The following LRRC4C variants were observed in gnomAD, a reference collection of about 807,000 sequenced individuals.
The protein encoded by LRRC4C is leucine-rich repeat-containing protein 4C.
A neutral mutation model predicts 33.6 loss-of-function variants in LRRC4C; 5 were observed. The ratio of observed to expected loss-of-function variants is 0.15; its 90% CI spans 0.08 to 0.31. The LOEUF is 0.31. Among genes scored for constraint, LRRC4C ranks in the 10% least tolerant of loss-of-function variants. The pLI, the probability that LRRC4C is intolerant of heterozygous loss-of-function variation, is 1.00. For missense variants in LRRC4C, 560 were observed against 796.7 expected (o/e 0.70, Z 3.58); for synonymous variants, 329 against 302.0 (o/e 1.09, Z -0.93).
At chr11:41,013,638 A>C (rs904702797) in intron 1 of LRRC4C, among the ~76,000 whole-genome samples, 1 of 152,226 alleles carries the variant, frequency 6.6e-6, no homozygotes. Context: ...TATTTCTTAT[A>C]GTTTTAGAGG....
intron 1 of LRRC4C, among the ~76,000 whole-genome samples, chr11:41,001,537 A>T (rs936047135): frequency 2.0e-5 from 3 of 152,108 alleles, no homozygotes; most frequent in Non-Finnish European, 4.4e-5. Context: ...AAAGTCTCTG[A>T]ACATGGCATA....
At chr11:41,413,073 A>G (rs1192220903) in intron 1 of LRRC4C, among the ~76,000 whole-genome samples, 1 of 144,544 alleles carries the variant, frequency 6.9e-6, no homozygotes, top group African/African-American at 2.6e-5. Context: ...TTTTACTTCC[A>G]TTGCTGTTGA....
chr11:40,505,937 T>C (rs1955014349), intron 3 of LRRC4C, among the ~76,000 whole-genome samples: 1 of 152,036 alleles, frequency 6.6e-6, no homozygotes, highest in Non-Finnish European at 1.5e-5. Flanking sequence ...CACATGGAAA[T>C]GTAGCCTTAG....
intron 2 of LRRC4C, among the ~76,000 whole-genome samples, chr11:40,717,566 TG>T (rs1311586734): frequency 6.6e-6 from 1 of 152,132 alleles, no homozygotes; most frequent in South Asian, 2.1e-4. Context: ...GTTCTTTTTT[TG>T]GGGGGGTACA....
At chr11:40,934,912 G>C (rs1957802408) in intron 1 of LRRC4C, among the ~76,000 whole-genome samples, 1 of 152,018 alleles carries the variant, frequency 6.6e-6, no homozygotes, top group Admixed American at 6.6e-5. Flanking sequence ...TTCTCTTCCT[G>C]CTATTTCTCC....
chr11:41,172,919 C>T (rs1945038415), intron 1 of LRRC4C, among the ~76,000 whole-genome samples: 1 of 152,020 alleles, frequency 6.6e-6, no homozygotes, highest in Non-Finnish European at 1.5e-5. Flanking sequence ...ATTCCAACTT[C>T]TCTGCTTTCT....
chr11:40,526,630 T>A (rs1956062613), intron 3 of LRRC4C, among the ~76,000 whole-genome samples: 1 of 152,082 alleles, frequency 6.6e-6, no homozygotes, highest in African/African-American at 2.4e-5. Context: ...GCATAAGTAA[T>A]TTGGAAAGTA....
At chr11:41,362,034 T>C (rs148257195) in intron 1 of LRRC4C, among the ~76,000 whole-genome samples, 444 of 152,336 alleles carry the variant, frequency 2.9e-3, no homozygotes, top group Non-Finnish European at 4.7e-3. Flanking sequence ...TCTAACAGCA[T>C]TAGTTTTCAA....
chr11:41,113,880 G>A (rs984406605), intron 1 of LRRC4C, among the ~76,000 whole-genome samples: 1 of 151,838 alleles, frequency 6.6e-6, no homozygotes, highest in Non-Finnish European at 1.5e-5. Context: ...AGAATAGAAG[G>A]TACATGCAAT....
At chr11:41,439,841 G>T (rs747383233) in intron 1 of LRRC4C, among the ~76,000 whole-genome samples, 1 of 152,046 alleles carries the variant, frequency 6.6e-6, no homozygotes, top group African/African-American at 2.4e-5. Context: ...GTTTTGTTTT[G>T]ATGAGGTTTT....
intron 1 of LRRC4C, among the ~76,000 whole-genome samples, chr11:41,036,057 T>G (rs181511374): frequency 3.8e-5 from 5 of 132,314 alleles, no homozygotes; most frequent in African/African-American, 1.1e-4. Flanking sequence ...CTTTAAAAAT[T>G]TTGTCTTTTG....
At chr11:41,434,333 T>A (rs1161867972) in intron 1 of LRRC4C, among the ~76,000 whole-genome samples, 1 of 152,182 alleles carries the variant, frequency 6.6e-6, no homozygotes, top group African/African-American at 2.4e-5. Context: ...ACTTTTCAGA[T>A]AATTTTTTTT....
intron 1 of LRRC4C, among the ~76,000 whole-genome samples, chr11:41,428,381 T>A (rs962470625): frequency 6.6e-6 from 1 of 152,164 alleles, no homozygotes; most frequent in African/African-American, 2.4e-5. Flanking sequence ...GTAGATAATG[T>A]ACTATTTACT....
At chr11:41,160,258 A>G (rs1944410002) in intron 1 of LRRC4C, among the ~76,000 whole-genome samples, 1 of 152,096 alleles carries the variant, frequency 6.6e-6, no homozygotes, top group Non-Finnish European at 1.5e-5. Flanking sequence ...TGTCCCAGCT[A>G]CCAGGGAGAC....
intron 2 of LRRC4C, among the ~76,000 whole-genome samples, chr11:40,798,250 T>C (rs1950909168): frequency 6.6e-6 from 1 of 152,186 alleles, no homozygotes; most frequent in African/African-American, 2.4e-5. Context: ...ATGCTATGTG[T>C]GCACAAATCA....
chr11:41,132,207 T>A (rs1434914381), intron 1 of LRRC4C, among the ~76,000 whole-genome samples: 1 of 152,000 alleles, frequency 6.6e-6, no homozygotes, highest in Non-Finnish European at 1.5e-5. Context: ...GTAAAATGAG[T>A]GGTGTTATCA....
At chr11:41,273,212 C>G (rs1949374392) in intron 1 of LRRC4C, among the ~76,000 whole-genome samples, 1 of 152,088 alleles carries the variant, frequency 6.6e-6, no homozygotes, top group Non-Finnish European at 1.5e-5. Flanking sequence ...GAATCTGCAG[C>G]TACTATAGAA....
chr11:40,317,452 G>A (rs1351126667), intron 4 of LRRC4C, among the ~76,000 whole-genome samples: 1 of 152,072 alleles, frequency 6.6e-6, no homozygotes, highest in African/African-American at 2.4e-5. Flanking sequence ...GCTCTAGCTT[G>A]AAATTCTAGA....
At chr11:40,888,625 G>A (rs4755564) in intron 2 of LRRC4C, among the ~76,000 whole-genome samples, 131,926 of 151,986 alleles carry the variant, frequency 0.87, 57,769 homozygotes, top group Non-Finnish European at 0.93. Context: ...AGAATTGGAA[G>A]GAACTTTTTT....
Sources: gnomAD v4.1 joint callset for allele counts (sites outside exome capture counted in the v4.1 genomes callset) on GRCh38, gnomAD v4.1.1 for gene constraint, MANE v1.5 for transcripts, NCBI Gene and HGNC (gene_info 2026-07-23, HGNC 2026-07-21) for gene names.